GPR158: variants seen among roughly 807,000 people sequenced by gnomAD.
The protein encoded by GPR158 is metabotropic glycine receptor.
Under a neutral mutation model 78.2 loss-of-function variants are expected in GPR158, and 30 were observed. The ratio of observed to expected loss-of-function variants is 0.38; its 90% CI spans 0.29 to 0.52. The LOEUF (loss-of-function observed/expected upper bound fraction) is 0.52, where lower values mean the gene tolerates loss of function less well. Ranked by LOEUF, GPR158 falls within the 20% of genes least tolerant of loss-of-function variation. The pLI, the probability that GPR158 is intolerant of heterozygous loss-of-function variation, is 0.83. For synonymous variants in GPR158, 581 were observed against 591.1 expected (o/e 0.98, Z 0.25); for missense variants, 1,463 against 1,523.5 (o/e 0.96, Z 0.66).
chr10:25,184,363 T>A (rs114274190), intron 1 of GPR158, among the ~76,000 whole-genome samples: 5,444 of 152,196 alleles, frequency 0.036, 304 homozygotes, highest in African/African-American at 0.12. Context: ...GCTAATTTTT[T>A]AATTTTAATT....
intron 1 of GPR158, among the ~76,000 whole-genome samples, chr10:25,192,691 G>A (rs913722335): frequency 6.6e-6 from 1 of 151,646 alleles, no homozygotes; most frequent in African/African-American, 2.4e-5. Flanking sequence ...TATTGTCTCC[G>A]ATTTATGATG....
chr10:25,218,858 A>AT (rs56872059), intron 1 of GPR158, among the ~76,000 whole-genome samples: 2,332 of 147,690 alleles, frequency 0.016, 15 homozygotes, highest in Middle Eastern at 0.035. Flanking sequence ...CATGGAACTT[A>AT]TTTTTTTTTT....
At chr10:25,209,043 A>G (rs1296821355) in intron 1 of GPR158, among the ~76,000 whole-genome samples, 2 of 151,806 alleles carry the variant, frequency 1.3e-5, no homozygotes, top group Non-Finnish European at 1.5e-5. Flanking sequence ...TTTATTAGAG[A>G]TGGGGTTTCA....
At chr10:25,201,196 T>C (rs1852923543) in intron 1 of GPR158, among the ~76,000 whole-genome samples, 1 of 152,186 alleles carries the variant, frequency 6.6e-6, no homozygotes, top group Non-Finnish European at 1.5e-5. Context: ...TGTTTTGTAA[T>C]TCTCATTGTA....
chr10:25,553,665 C>T (rs75911295), intron 6 of GPR158, among the ~76,000 whole-genome samples: 5,881 of 152,094 alleles, frequency 0.039, 157 homozygotes, highest in Middle Eastern at 0.11. Context: ...AATGGGTGGA[C>T]GGTCCTAGTG....
At chr10:25,333,648 A>G (rs1855158991) in intron 2 of GPR158, among the ~76,000 whole-genome samples, 1 of 152,174 alleles carries the variant, frequency 6.6e-6, no homozygotes, top group Non-Finnish European at 1.5e-5. Context: ...TTTTTATTCA[A>G]GAGGAAAAGA....
chr10:25,393,747 G>T (rs1834332899), intron 2 of GPR158: 2 of 152,130 alleles, frequency 1.3e-5, no homozygotes, highest in South Asian at 4.1e-4. Flanking sequence ...GGAGTAGTGA[G>T]GAAGGAAAAA....
chr10:25,259,249 G>A lies in GPR158; in HGVS notation c.1008+38092G>A, dbSNP rs115656655. Among the ~76,000 whole-genome samples, 496 of 152,248 alleles carry A rather than the reference G, an allele frequency of 3.3e-3. 2 individuals carry two copies. The highest frequency in any genetic ancestry group is 0.011 in the African/African-American group (474 of 41,568). Reference sequence around the variant, plus strand: ...AGCCAAGGACAAACTATAAATGAATGGGCATTGCTAGTTCCAACAAGACTT... The same window carrying A: ...AGCCAAGGACAAACTATAAATGAATAGGCATTGCTAGTTCCAACAAGACTT... On this transcript the variant is annotated intron_variant, in intron 2 of 10. Coordinates refer to ENST00000376351, the MANE Select transcript of GPR158 (RefSeq NM_020752.3).
At chr10:25,299,135 A>G (rs368309606) in intron 2 of GPR158, among the ~76,000 whole-genome samples, 1 of 152,072 alleles carries the variant, frequency 6.6e-6, no homozygotes, top group East Asian at 1.9e-4. Flanking sequence ...TTATTTTTGT[A>G]TATGTTTAAG....
intron 5 of GPR158, among the ~76,000 whole-genome samples, chr10:25,517,569 T>A (rs1411443668): frequency 6.6e-6 from 1 of 151,950 alleles, no homozygotes; most frequent in Non-Finnish European, 1.5e-5. Flanking sequence ...TTATTGAGAG[T>A]TTTTAGCATG....
chr10:25,177,317 G>GT (rs531722840), intron 1 of GPR158, among the ~76,000 whole-genome samples: 217 of 152,272 alleles, frequency 1.4e-3, no homozygotes, highest in African/African-American at 5.1e-3. Context: ...TGAAAGAGTA[G>GT]TTACACCAAA....
At chr10:25,471,054 A>G (rs1238760018) in intron 5 of GPR158, among the ~76,000 whole-genome samples, 1 of 151,922 alleles carries the variant, frequency 6.6e-6, no homozygotes, top group Non-Finnish European at 1.5e-5. Context: ...GGTGTGCTGC[A>G]CCCATTAACT....
chr10:25,437,508 G>A (rs897470523), intron 4 of GPR158, among the ~76,000 whole-genome samples: 2 of 152,196 alleles, frequency 1.3e-5, no homozygotes, highest in African/African-American at 4.8e-5. Context: ...TTACAGGCAT[G>A]AGCCACTGGG....
intron 2 of GPR158, among the ~76,000 whole-genome samples, chr10:25,300,579 T>G (rs917615229): frequency 1.3e-4 from 3 of 22,570 alleles, no homozygotes; most frequent in Non-Finnish European, 4.0e-4. Flanking sequence ...CCACATATTC[T>G]TAAGTACTCT....
intron 2 of GPR158, among the ~76,000 whole-genome samples, chr10:25,293,040 C>T (rs1299731191): frequency 6.6e-6 from 1 of 152,166 alleles, no homozygotes; most frequent in Non-Finnish European, 1.5e-5. Context: ...CAAAAGTTAT[C>T]TCTTGCTGTT....
At chr10:25,282,556 C>T (rs1854290607) in intron 2 of GPR158, among the ~76,000 whole-genome samples, 1 of 152,116 alleles carries the variant, frequency 6.6e-6, no homozygotes, top group South Asian at 2.1e-4. Flanking sequence ...ACACTGTTTT[C>T]CAAAGTAGCT....
chr10:25,292,959 A>G (rs558386887), intron 2 of GPR158, among the ~76,000 whole-genome samples: 1 of 152,326 alleles, frequency 6.6e-6, no homozygotes, highest in African/African-American at 2.4e-5. Context: ...GATCAGTCAC[A>G]GGGAGTTGGA....
At chr10:25,471,406 G>A (rs541202106) in intron 5 of GPR158, among the ~76,000 whole-genome samples, 1 of 152,270 alleles carries the variant, frequency 6.6e-6, no homozygotes, top group African/African-American at 2.4e-5. Context: ...TGTGAATAGT[G>A]CCACAATAAA....
intron 5 of GPR158, among the ~76,000 whole-genome samples, chr10:25,484,202 A>T (rs1342706540): frequency 6.6e-6 from 1 of 152,142 alleles, no homozygotes; most frequent in African/African-American, 2.4e-5. Context: ...CATGCCTGGC[A>T]CACACACCCT....
Sources: gnomAD v4.1 joint callset for allele counts (sites outside exome capture counted in the v4.1 genomes callset) on GRCh38, gnomAD v4.1.1 for gene constraint, MANE v1.5 for transcripts, NCBI Gene and HGNC (gene_info 2026-07-23, HGNC 2026-07-21) for gene names.